CAPN14: variants seen among roughly 807,000 people sequenced by gnomAD.
The protein encoded by CAPN14 is calpain-14.
A neutral mutation model predicts 101.3 loss-of-function variants in CAPN14; 94 were observed. The observed-to-expected ratio is 0.93, with a 90% CI of 0.79 to 1.10. CAPN14 has a LOEUF of 1.10. Among genes scored for constraint, CAPN14 ranks in the 50% least tolerant of loss-of-function variants. The probability of loss-of-function intolerance (pLI) is 0.00; values close to 1 mark genes in which losing one functional copy is unlikely to be tolerated. For synonymous variants in CAPN14, 338 were observed against 317.9 expected (o/e 1.06, Z -0.67); for missense variants, 837 against 828.4 (o/e 1.01, Z -0.13).
chr2:31,193,579 C>A (rs941697210), intron 9 of CAPN14, among the ~76,000 whole-genome samples: 1 of 152,206 alleles, frequency 6.6e-6, no homozygotes, highest in Non-Finnish European at 1.5e-5. Context: ...TTTCTGGAAT[C>A]ATGGTGATAG....
intron 6 of CAPN14, 81 bp downstream of exon 6, chr2:31,200,370 C>T (rs1010089425): frequency 7.6e-6 from 10 of 1,317,976 alleles, no homozygotes; most frequent in Middle Eastern, 5.4e-4. Context: ...TGAGCCCACA[C>T]CCAGGTGAGG....
At chr2:31,195,847 C>A (rs1372310348) in intron 8 of CAPN14, among the ~76,000 whole-genome samples, 1 of 151,966 alleles carries the variant, frequency 6.6e-6, no homozygotes, top group Non-Finnish European at 1.5e-5. Context: ...CAATAAAATT[C>A]AGTACTCTGA....
chr2:31,231,192 T>C (rs587885), intron 1 of CAPN14, among the ~76,000 whole-genome samples: 4,579 of 151,762 alleles, frequency 0.03, 259 homozygotes, highest in African/African-American at 0.11. Flanking sequence ...CTGGAATATC[T>C]AAGCTTTTTT....
At position 31,176,652 on chromosome 2, in the gene CAPN14, T is replaced by A; in HGVS notation, c.1973-10A>T. 1 of 1,550,474 alleles carries A rather than the reference T, an allele frequency of 6.4e-7. No individual in the cohort carries two copies. The highest frequency in any genetic ancestry group is 8.7e-7 in the Non-Finnish European group (1 of 1,145,824). On this transcript the variant is annotated splice_polypyrimidine_tract_variant and intron_variant, in intron 20 of 21. Transcript: ENST00000403897. ...AAGTTTTGGAAGACATCTGTGAAAA[T>A]GCAGCAGAAAGGAATACAGCTAATG...
chr2:31,227,451 C>G (rs1258966215), intron 1 of CAPN14, among the ~76,000 whole-genome samples: 9 of 152,240 alleles, frequency 5.9e-5, no homozygotes, highest in African/African-American at 1.2e-4. Context: ...ACAGTTCCCT[C>G]ACCTGTGTAT....
chr2:31,200,142 TACAGGTG>T (rs1681677590), intron 6 of CAPN14, among the ~76,000 whole-genome samples: 1 of 152,152 alleles, frequency 6.6e-6, no homozygotes, highest in South Asian at 2.1e-4. Context: ...TAGCTGGGAT[TACAGGTG>T]ACCATCACCA....
At chr2:31,191,556 A>G (rs997200007) in intron 11 of CAPN14, 149 bp from the exon 12 acceptor site, 1 of 710,966 alleles carries the variant, frequency 1.4e-6, no homozygotes, top group Non-Finnish European at 2.3e-6. Context: ...CTCCCACAAG[A>G]CCTGCTGTTC....
Position 31,177,086 on chromosome 2 carries a change from G to T in CAPN14, c.1912C>A (p.Arg638Ser). The T allele has an allele frequency of 6.4e-7, 1 of 1,551,126 alleles. No homozygotes were observed. The highest frequency in any genetic ancestry group is 8.7e-7 in the Non-Finnish European group (1 of 1,146,638). ...AAACTGACAAAGTCCATCTGGAGGC[G>T]GGGGCCGCCGTAGCGGATGAGCATC... ...QLMLIRYGGP[R>S]LQMDFVSFIH... is the part of the protein sequence containing the mutation. Residue 638 changes from arginine to serine, a missense_variant, in exon 20 of 22, where the codon CGC becomes AGC. Physicochemically the swap from Arg to Ser is moderately radical, Grantham distance 110. Coordinates refer to ENST00000403897, the MANE Select transcript of CAPN14 (RefSeq NM_001145122.2).
At chr2:31,178,279 G>C (rs1680411368) in intron 18 of CAPN14, among the ~76,000 whole-genome samples, 1 of 152,168 alleles carries the variant, frequency 6.6e-6, no homozygotes, top group Admixed American at 6.5e-5. Context: ...AAAGCTTTTT[G>C]TGAGGAAACA....
At chr2:31,226,340 TTATAATAA>T (rs1228753362) in intron 2 of CAPN14, among the ~76,000 whole-genome samples, 1 of 152,150 alleles carries the variant, frequency 6.6e-6, no homozygotes, top group Non-Finnish European at 1.5e-5. Context: ...ACATATAAGG[TTATAATAA>T]TTGGCCAACT....
chr2:31,229,604 A>G (rs932954945), intron 1 of CAPN14, among the ~76,000 whole-genome samples: 1 of 149,710 alleles, frequency 6.7e-6, no homozygotes, highest in African/African-American at 2.5e-5. Context: ...TCTTGAACCC[A>G]GGAAGTAGAG....
chr2:31,208,801 T>G (rs953578471), intron 1 of CAPN14, among the ~76,000 whole-genome samples: 10 of 152,198 alleles, frequency 6.6e-5, no homozygotes, highest in Non-Finnish European at 1.5e-4. Context: ...GTGAGCAGCG[T>G]TGGAGCAGGT....
intron 2 of CAPN14, among the ~76,000 whole-genome samples, chr2:31,225,823 G>C (rs1204859672): frequency 6.7e-6 from 1 of 149,716 alleles, no homozygotes; most frequent in African/African-American, 2.5e-5. Flanking sequence ...AAAGATTGAA[G>C]CAAAATTACC....
chr2:31,190,550 TTTTTCAATGGC>T (rs1681127255), intron 12 of CAPN14, among the ~76,000 whole-genome samples: 1 of 152,202 alleles, frequency 6.6e-6, no homozygotes, highest in African/African-American at 2.4e-5. Flanking sequence ...CCCTTTGTTA[TTTTTCAATGGC>T]TTTGAAATTT....
At chr2:31,211,983 G>C (rs1329085858) in intron 1 of CAPN14, among the ~76,000 whole-genome samples, 1 of 152,126 alleles carries the variant, frequency 6.6e-6, no homozygotes, top group Non-Finnish European at 1.5e-5. Flanking sequence ...GGTTGCATCT[G>C]TATATTTTTT....
At chr2:31,181,398 T>TTTTCTTTCTCTTTC (rs1680596460) in intron 16 of CAPN14, among the ~76,000 whole-genome samples, 1 of 134,980 alleles carries the variant, frequency 7.4e-6, no homozygotes, top group Non-Finnish European at 1.6e-5. Context: ...TTCTTTCTTT[T>TTTTCTTTCTCTTTC]TTTCTTTCTT....
intron 5 of CAPN14, among the ~76,000 whole-genome samples, 174 bp from the exon 6 acceptor site, chr2:31,200,799 G>T (rs905165651): frequency 6.6e-6 from 1 of 152,126 alleles, no homozygotes; most frequent in African/African-American, 2.4e-5. Context: ...GGCTCCAGCT[G>T]GTGGTCATAG....
At chr2:31,222,868 G>A (rs750159602) in intron 2 of CAPN14, among the ~76,000 whole-genome samples, 2 of 152,214 alleles carry the variant, frequency 1.3e-5, no homozygotes, top group African/African-American at 4.8e-5. Context: ...ATGGAGCCTT[G>A]TGGAGGTACT....
At chr2:31,209,234 C>A (rs955041955) in intron 1 of CAPN14, among the ~76,000 whole-genome samples, 2 of 151,786 alleles carry the variant, frequency 1.3e-5, no homozygotes, top group African/African-American at 4.8e-5. Context: ...ACCTCAGCCA[C>A]CCAAAGTGCT....
Sources: gnomAD v4.1 joint callset for allele counts (sites outside exome capture counted in the v4.1 genomes callset) on GRCh38, gnomAD v4.1.1 for gene constraint, MANE v1.5 for transcripts, NCBI Gene and HGNC (gene_info 2026-07-23, HGNC 2026-07-21) for gene names.